NBAS: variants seen among roughly 807,000 people sequenced by gnomAD.
NBAS encodes the protein NBAS subunit of NRZ tethering complex.
In NBAS, 219 loss-of-function variants were observed where a neutral mutation model predicts 302.5. The observed-to-expected ratio is 0.72, with a 90% CI of 0.65 to 0.81. NBAS has a LOEUF of 0.81. NBAS is among the 30% of genes least tolerant of loss of function. The pLI, the probability that NBAS is intolerant of heterozygous loss-of-function variation, is 0.00. For synonymous variants in NBAS, 1,118 were observed against 1,021.6 expected, an observed-to-expected ratio of 1.09 and a Z score of -1.80; for missense variants, 2,932 against 2,841.6, an observed-to-expected ratio of 1.03 and a Z score of -0.72.
chr2:14,839,256 C>T, the NBAS span, among the ~76,000 whole-genome samples: 1 of 151,992 alleles, frequency 6.6e-6, no homozygotes, highest in Non-Finnish European at 1.5e-5. Flanking sequence ...CATGATGCCC[C>T]TCTGCCCAAT....
chr2:15,233,424 A>G (rs1667462261), intron 46 of NBAS, among the ~76,000 whole-genome samples: 1 of 152,208 alleles, frequency 6.6e-6, no homozygotes, highest in South Asian at 2.1e-4. Context: ...ATTCATGAAA[A>G]TGGGCAATTT....
the NBAS span, among the ~76,000 whole-genome samples, chr2:15,127,403 CT>C: frequency 6.6e-6 from 1 of 152,238 alleles, no homozygotes; most frequent in African/African-American, 2.4e-5. Context: ...GCCAGATTCT[CT>C]CTCAACAGCC....
chr2:15,264,262 T>C (rs369237393), intron 44 of NBAS, among the ~76,000 whole-genome samples: 2 of 152,328 alleles, frequency 1.3e-5, no homozygotes, highest in South Asian at 4.1e-4. Flanking sequence ...GACATAATTC[T>C]GAGATCTTTT....
chr2:15,227,544 A>T (rs145502778), intron 47 of NBAS, among the ~76,000 whole-genome samples: 1 of 152,160 alleles, frequency 6.6e-6, no homozygotes, highest in Non-Finnish European at 1.5e-5. Context: ...GATACCTAAA[A>T]CAAACACAGC....
the NBAS span, among the ~76,000 whole-genome samples, chr2:15,093,644 G>C: frequency 6.6e-6 from 1 of 152,138 alleles, no homozygotes; most frequent in African/African-American, 2.4e-5. Context: ...AACTTTATCA[G>C]TGTTATTTAC....
chr2:15,124,619 CA>C, the NBAS span, among the ~76,000 whole-genome samples: 3 of 152,200 alleles, frequency 2.0e-5, no homozygotes, highest in Non-Finnish European at 4.4e-5. Flanking sequence ...AGAATGGTTT[CA>C]GGGGGCAGGC....
At chr2:15,450,228 A>T (rs1263230862) in intron 21 of NBAS, among the ~76,000 whole-genome samples, 1 of 152,208 alleles carries the variant, frequency 6.6e-6, no homozygotes, top group African/African-American at 2.4e-5. Flanking sequence ...AATATGCTAC[A>T]CTAGTTCATT....
chr2:14,987,717 T>C, the NBAS span, among the ~76,000 whole-genome samples: 3 of 152,088 alleles, frequency 2.0e-5, no homozygotes, highest in Non-Finnish European at 4.4e-5. Flanking sequence ...TCGGAAAGCA[T>C]GAAGGGAATA....
the NBAS span, among the ~76,000 whole-genome samples, chr2:14,843,311 T>A: frequency 6.6e-6 from 1 of 152,136 alleles, no homozygotes; most frequent in Non-Finnish European, 1.5e-5. Flanking sequence ...CTGGAAGTCC[T>A]GGCTACAGCA....
chr2:15,039,607 A>T, the NBAS span, among the ~76,000 whole-genome samples: 1 of 152,190 alleles, frequency 6.6e-6, no homozygotes, highest in Non-Finnish European at 1.5e-5. Flanking sequence ...AGCTAACAGA[A>T]GGTGAGGGGT....
chr2:15,218,776 T>C lies in NBAS; in HGVS notation c.6429A>G (p.Arg2143=). The part of the protein sequence containing the change: ...EAILKASWPQ[R]QVDIADIENE... ...AATCATTCAGACACTCCCTTACCTG[T>C]CTCTGGGGCCAGGAGGCTTTGAGAA... Residue 2143 remains arginine (R), a synonymous_variant, in exon 48 of 52, where the codon AGA becomes AGG. Transcript: ENST00000281513. 1.9e-6 allele frequency: 3 copies of C among 1,614,222 alleles called. No individual in the cohort carries two copies. Among genetic ancestry groups the C allele is most frequent in the Non-Finnish European group, 8.5e-7 (1 of 1,180,032 alleles).
chr2:14,815,217 T>C, the NBAS span, among the ~76,000 whole-genome samples: 15 of 152,250 alleles, frequency 9.9e-5, no homozygotes, highest in African/African-American at 3.6e-4. Context: ...TCAAAACAGG[T>C]TAACTAGCTA....
the NBAS span, among the ~76,000 whole-genome samples, chr2:15,038,801 A>C: frequency 6.6e-6 from 1 of 152,192 alleles, no homozygotes; most frequent in African/African-American, 2.4e-5. Context: ...GCCCGTAGCC[A>C]CTCCATGCTG....
chr2:15,308,256 A>G lies in NBAS; in HGVS notation c.4757T>C (p.Leu1586Ser). 6.2e-7 allele frequency: 1 copy of G among 1,614,220 alleles called. No individual in the cohort carries two copies. Among genetic ancestry groups the G allele is most frequent in the Non-Finnish European group, 8.5e-7 (1 of 1,180,036 alleles). ...YYYSLQIYARLAPCFRDKCHP... is the reference protein window; with the variant it reads ...YYYSLQIYARSAPCFRDKCHP... ...GCACTTGTCCCTGAAACATGGGGCC[A>G]ATCGGGCATAGATCTGGAGGCTATA... Residue 1586 changes from leucine (L) to serine (S), a missense_variant, in exon 40 of 52, where the codon TTG (leucine) becomes TCG (serine). Transcript: ENST00000281513.
chr2:15,041,763 T>C, the NBAS span, among the ~76,000 whole-genome samples: 1 of 152,364 alleles, frequency 6.6e-6, no homozygotes, highest in South Asian at 2.1e-4. Flanking sequence ...CCATAGCATC[T>C]GGGCCTCTGC....
rs1310429715 is a variant in NBAS at position 15,541,893 on chromosome 2, G to A, written c.380-2537C>T. ...CCCCGCCCGGCCAGCCGCCCCGTCC[G>A]GGAGGGAGGTGGGGGGGTTCAGCCC... On this transcript the variant is annotated intron_variant, in intron 6 of 51. Coordinates refer to ENST00000281513, the MANE Select transcript of NBAS (RefSeq NM_015909.4). Among the ~76,000 whole-genome samples, 4 of 57,230 alleles carry A rather than the reference G, an allele frequency of 7.0e-5. 1 individual carries two copies. The highest frequency in any genetic ancestry group is 2.8e-4 in the East Asian group (1 of 3,626). 37.5% of individuals were successfully genotyped at this position (57,230 alleles called of 152,430 possible). A position where few individuals can be genotyped will look rare whatever the true frequency, so the allele number is the denominator to read the frequency against.
At chr2:15,415,435 T>C in intron 25 of NBAS, 111 bp downstream of exon 25, 2 of 972,820 alleles carry the variant, frequency 2.1e-6, no homozygotes, top group Non-Finnish European at 3.2e-6. Flanking sequence ...CATTTGTTTT[T>C]CTGTTTAAAG....
intron 44 of NBAS, among the ~76,000 whole-genome samples, chr2:15,248,610 C>T (rs1218811535): frequency 2.6e-5 from 4 of 152,142 alleles, no homozygotes; most frequent in South Asian, 2.1e-4. Flanking sequence ...CAAATAGATG[C>T]AATAAAAAGT....
intron 6 of NBAS, among the ~76,000 whole-genome samples, chr2:15,547,172 T>C (rs1558429662): frequency 6.6e-6 from 1 of 152,232 alleles, no homozygotes. Flanking sequence ...TGGCATGTAT[T>C]TTATAAAACA....
Sources: gnomAD v4.1 joint callset for allele counts (sites outside exome capture counted in the v4.1 genomes callset) on GRCh38, gnomAD v4.1.1 for gene constraint, MANE v1.5 for transcripts, NCBI Gene and HGNC (gene_info 2026-07-23, HGNC 2026-07-21) for gene names.